Variants in PITPNB observed in about 807,000 individuals in gnomAD.
The protein encoded by PITPNB is phosphatidylinositol transfer protein beta isoform.
A neutral mutation model predicts 45.9 loss-of-function variants in PITPNB; 16 were observed. That is an observed-to-expected ratio of 0.35 (90% CI 0.24 to 0.53). PITPNB has a LOEUF of 0.53. PITPNB is among the 20% of genes least tolerant of loss of function. The probability of loss-of-function intolerance (pLI) is 0.93; values close to 1 mark genes in which losing one functional copy is unlikely to be tolerated. For synonymous variants in PITPNB, 112 were observed against 108.9 expected (o/e 1.03, Z -0.18); for missense variants, 188 against 330.5 (o/e 0.57, Z 3.34).
chr22:27,910,498 A>T (rs1935889972), intron 3 of PITPNB: 1 of 155,088 alleles, frequency 6.4e-6, no homozygotes, highest in Non-Finnish European at 1.4e-5. Context: ...GTCCAGAAGA[A>T]ATTTTACTTA....
chr22:27,904,994 A>C (rs1173993021), intron 3 of PITPNB, among the ~76,000 whole-genome samples: 1 of 152,250 alleles, frequency 6.6e-6, no homozygotes, highest in Admixed American at 6.5e-5. Context: ...AATACTTCTG[A>C]TATTTTTCAG....
intron 1 of PITPNB, among the ~76,000 whole-genome samples, chr22:27,918,205 T>G (rs1218008694): frequency 6.6e-6 from 1 of 152,150 alleles, no homozygotes; most frequent in African/African-American, 2.4e-5. Flanking sequence ...CTCAGAGAAG[T>G]GCATCAGTGA....
chr22:27,857,797 T>G (rs1370451602), intron 10 of PITPNB, among the ~76,000 whole-genome samples: 1 of 151,998 alleles, frequency 6.6e-6, no homozygotes, highest in Non-Finnish European at 1.5e-5. Flanking sequence ...CCACTGGTGG[T>G]GGGGAGCAGC....
intron 2 of PITPNB, among the ~76,000 whole-genome samples, chr22:27,913,568 A>T (rs1935995897): frequency 6.6e-6 from 1 of 152,210 alleles, no homozygotes; most frequent in South Asian, 2.1e-4. Flanking sequence ...TGAATAGGTG[A>T]TATATTTCTG....
At chr22:27,884,907 G>A (rs1411443332) in intron 7 of PITPNB, among the ~76,000 whole-genome samples, 1 of 151,684 alleles carries the variant, frequency 6.6e-6, no homozygotes, top group Non-Finnish European at 1.5e-5. Flanking sequence ...AAAGTACCTT[G>A]AAAATTATAC....
intron 8 of PITPNB, among the ~76,000 whole-genome samples, chr22:27,862,833 G>A (rs143324204): frequency 1.8e-4 from 28 of 152,220 alleles, no homozygotes; most frequent in Middle Eastern, 3.4e-3. Flanking sequence ...TTCTCACCCC[G>A]GAAACATCCT....
At chr22:27,906,303 T>C (rs946444917) in intron 3 of PITPNB, among the ~76,000 whole-genome samples, 1 of 152,194 alleles carries the variant, frequency 6.6e-6, no homozygotes, top group African/African-American at 2.4e-5. Flanking sequence ...ACTTATACAA[T>C]TGGGAATCTT....
chr22:27,869,549 C>T (rs1378115261), intron 8 of PITPNB, among the ~76,000 whole-genome samples: 1 of 152,064 alleles, frequency 6.6e-6, no homozygotes. Flanking sequence ...GGTAAAGACA[C>T]GTGAACCCGG....
chr22:27,872,255 A>G (rs572280785), intron 8 of PITPNB, among the ~76,000 whole-genome samples: 2 of 151,782 alleles, frequency 1.3e-5, no homozygotes, highest in Non-Finnish European at 2.9e-5. Flanking sequence ...CATCGTGCCC[A>G]GCTAATTTTT....
chr22:27,857,786 C>T (rs1281554829), intron 10 of PITPNB, among the ~76,000 whole-genome samples: 3 of 152,188 alleles, frequency 2.0e-5, no homozygotes, highest in Admixed American at 6.5e-5. Context: ...GCCGGCCCTG[C>T]CCACTGGTGG....
Position 27,896,551 on chromosome 22 carries a change from C to A in PITPNB, c.372+1G>T. 1 of 1,600,964 alleles carries A rather than the reference C, an allele frequency of 6.2e-7. No individual in the cohort carries two copies. The highest frequency in any genetic ancestry group is 8.6e-7 in the Non-Finnish European group (1 of 1,167,988). ...ACTAAAAGTGCAGAGTTGAAACTTA[C>A]ATTTTCTAATGTTCCCAAGTCTGGT... On this transcript the variant is annotated splice_donor_variant, in intron 6 of 11. Coordinates refer to ENST00000335272, the MANE Select transcript of PITPNB (RefSeq NM_012399.5). LOFTEE classifies it high-confidence loss of function.
intron 7 of PITPNB, among the ~76,000 whole-genome samples, chr22:27,876,886 G>A (rs759453454): frequency 2.6e-5 from 4 of 152,158 alleles, no homozygotes; most frequent in Non-Finnish European, 5.9e-5. Context: ...GAAAGGGGAG[G>A]CTCTGATGAA....
intron 3 of PITPNB, among the ~76,000 whole-genome samples, chr22:27,901,977 G>A (rs964494643): frequency 6.6e-6 from 1 of 152,002 alleles, no homozygotes; most frequent in African/African-American, 2.4e-5. Context: ...TGTCCACTGC[G>A]CCAGGCCAGG....
At position 27,873,820 on chromosome 22, in the gene PITPNB, A is replaced by C. The variant is rs376995284; in HGVS notation, c.457-5T>G. The C allele has an allele frequency of 1.5e-5, 24 of 1,596,278 alleles. No individual in the cohort carries two copies. The highest frequency in any genetic ancestry group is 1.8e-5 in the Non-Finnish European group (21 of 1,163,900). On this transcript the variant is annotated splice_region_variant and splice_polypyrimidine_tract_variant and intron_variant, in intron 7 of 11. Transcript: ENST00000335272. ...GTCTTCATCAGCTTTGTAGTCCTGC[A>C]AAGCAAAACAAAGTCAGAGGCAGAG... is the stretch of plus-strand genomic sequence containing the variant.
At position 27,912,777 on chromosome 22, in the gene PITPNB, T is replaced by G. The variant is rs543726874; in HGVS notation, c.51+1540A>C. 9.5e-4 allele frequency among the ~76,000 whole-genome samples: 143 copies of G among 150,148 alleles called. 1 individual carries two copies. In the Middle Eastern group the frequency reaches 0.014, roughly 15 times the overall value. ...CAGGTGGATCACTTGAGGTCAGGAGTTCGAGACCAGCCTGACCAATATGGT... is the reference window on the plus strand; with the variant it reads ...CAGGTGGATCACTTGAGGTCAGGAGGTCGAGACCAGCCTGACCAATATGGT... On this transcript the variant is annotated intron_variant, in intron 2 of 11. Coordinates refer to ENST00000335272, the MANE Select transcript of PITPNB (RefSeq NM_012399.5).
intron 3 of PITPNB, among the ~76,000 whole-genome samples, chr22:27,902,665 C>T (rs1473335787): frequency 6.6e-6 from 1 of 152,106 alleles, no homozygotes; most frequent in Non-Finnish European, 1.5e-5. Flanking sequence ...ACACCAAAAG[C>T]ATAAACTACA....
intron 7 of PITPNB, among the ~76,000 whole-genome samples, chr22:27,890,396 G>A (rs142013825): frequency 4.6e-5 from 7 of 151,626 alleles, no homozygotes; most frequent in East Asian, 1.9e-4. Context: ...TAATCCTTAC[G>A]TAACAGTTCT....
chr22:27,869,924 C>T (rs1228513948), intron 8 of PITPNB, among the ~76,000 whole-genome samples: 1 of 152,166 alleles, frequency 6.6e-6, no homozygotes, highest in Non-Finnish European at 1.5e-5. Context: ...GCCTCCGACA[C>T]TTACAGATTC....
chr22:27,868,001 T>TA (rs956992898), intron 8 of PITPNB, among the ~76,000 whole-genome samples: 45 of 151,738 alleles, frequency 3.0e-4, no homozygotes, highest in African/African-American at 6.5e-4. Flanking sequence ...AACTAGATAT[T>TA]AAAAAAAAAT....
Sources: gnomAD v4.1 joint callset for allele counts (sites outside exome capture counted in the v4.1 genomes callset) on GRCh38, gnomAD v4.1.1 for gene constraint, MANE v1.5 for transcripts, NCBI Gene and HGNC (gene_info 2026-07-23, HGNC 2026-07-21) for gene names.